The following NCOR2 variants were observed in gnomAD, a reference collection of about 807,000 sequenced individuals.
NCOR2 encodes the protein nuclear receptor corepressor 2, also known as CTG repeat protein 26.
A neutral mutation model predicts 262.9 loss-of-function variants in NCOR2; 81 were observed. That is an observed-to-expected ratio of 0.31 (90% confidence interval 0.26 to 0.37). The LOEUF is 0.37. Ranked by LOEUF, NCOR2 falls within the 10% of genes least tolerant of loss-of-function variation. NCOR2 has a pLI of 1.00. For missense variants in NCOR2, 3,385 were observed against 3,621.4 expected (o/e 0.93, Z 1.68); for synonymous variants, 1,659 against 1,559.3 (o/e 1.06, Z -1.51).
chr12:124,433,879 C>CAAACACACACACAA lies in NCOR2; in HGVS notation c.883-3093_883-3092insTTGTGTGTGTGTTT, dbSNP rs879336408. ...ACACACACACACACACACACACACACACACACACACACACACACACGCACA... is the reference window on the plus strand; with the variant it reads ...ACACACACACACACACACACACACACAAACACACACACAAACACACACACACACACACACGCACA... On this transcript the variant is annotated intron_variant, in intron 8 of 46. Transcript: ENST00000405201. Among the ~76,000 whole-genome samples the CAAACACACACACAA allele has an allele frequency of 6.8e-5, 7 of 103,342 alleles. No individual in the cohort carries two copies. The East Asian group carries it at 2.0e-3, about 29-fold the overall frequency. The allele number at this position is 103,342 out of a possible 152,430, so 67.8% of individuals were successfully genotyped here. A position where few individuals can be genotyped will look rare whatever the true frequency, so the allele number is the denominator to read the frequency against.
chr12:124,420,010 C>T (rs757109076), exon 13 of NCOR2: 1 of 1,613,924 alleles, frequency 6.2e-7, no homozygotes, highest in Non-Finnish European at 8.5e-7. Flanking sequence ...TTATAGTTCT[C>T]ATTCTTCTTA....
chr12:124,379,250 C>T (rs917608207), intron 17 of NCOR2, among the ~76,000 whole-genome samples: 5 of 152,078 alleles, frequency 3.3e-5, no homozygotes, highest in African/African-American at 9.7e-5. Flanking sequence ...CCACTTTCCC[C>T]GCACCGCACC....
rs2051604920 is a variant in NCOR2, at chr12:124,548,401, AGACCAGACAGGTGT to A, written c.-164-12804_-164-12791del. 6.6e-6 allele frequency among the ~76,000 whole-genome samples: 1 copy of A among 151,990 alleles called. No homozygotes were observed. The highest frequency in any genetic ancestry group is 1.5e-5 in the Non-Finnish European group (1 of 67,998). ...TGGGATCCCTCTGGCTGCAACTCAGAGACCAGACAGGTGTGACCAGAGTGGACTGGGGACCCCGA... is the reference window on the plus strand; with the variant it reads ...TGGGATCCCTCTGGCTGCAACTCAGAGACCAGAGTGGACTGGGGACCCCGA... On this transcript the variant is annotated intron_variant, in intron 1 of 32. Transcript: ENST00000458234. The surrounding 1 kb of genome is among the most constrained non-coding windows in gnomAD (Gnocchi z 5.1).
At chr12:124,493,970 C>A (rs966283858) in intron 1 of NCOR2, among the ~76,000 whole-genome samples, 4 of 152,152 alleles carry the variant, frequency 2.6e-5, no homozygotes, top group East Asian at 1.9e-4. Context: ...CAGGGCCGCC[C>A]AGGAGAATGC....
At position 124,503,232 on chromosome 12, in the gene NCOR2, A is replaced by C. The variant is rs1200201257; in HGVS notation, c.-117-7864T>G. 6.6e-6 allele frequency among the ~76,000 whole-genome samples: 1 copy of C among 152,262 alleles called. No individual in the cohort carries two copies. The highest frequency in any genetic ancestry group is 2.4e-5 in the African/African-American group (1 of 41,476). ...ACAAGCACAGCTACAGCAGTGACCA[A>C]GTCAGACAAAAGGCAAAAGGCCCTG... On this transcript the variant is annotated intron_variant, in intron 1 of 46. Coordinates refer to the NCOR2 transcript ENST00000404621. This position sits in a 1 kb window ranked among gnomAD's most constrained non-coding sequence, Gnocchi z 4.3.
In NCOR2 at chr12:124,481,099, G is replaced by C. The variant is rs1331878975; in HGVS notation, c.411+2497C>G. On this transcript the variant is annotated intron_variant, in intron 3 of 46. Transcript: ENST00000405201. This position sits in a 1 kb window ranked among gnomAD's most constrained non-coding sequence, Gnocchi z 4.6. ...GAGATGGCAGGAGCTGAGGAAGCAG[G>C]GGGTGAAGGGGAGTGAGCAGGACAG... Among the ~76,000 whole-genome samples, 1 of 151,828 alleles carries C rather than the reference G, an allele frequency of 6.6e-6. No homozygotes were observed. Among genetic ancestry groups the C allele is most frequent in the African/African-American group, 2.4e-5 (1 of 41,274 alleles).
chr12:124,439,516 G>C (rs2044694601), intron 7 of NCOR2, among the ~76,000 whole-genome samples: 1 of 150,160 alleles, frequency 6.7e-6, no homozygotes, highest in South Asian at 2.1e-4. Context: ...CCCAGAGAGA[G>C]AGAGACGGAG....
chr12:124,422,526 A>G, exon 12 of NCOR2: 4 of 1,613,966 alleles, frequency 2.5e-6, no homozygotes, highest in Non-Finnish European at 3.4e-6. Flanking sequence ...TGATGCGATC[A>G]GGCCAAAGTT....
rs577902913 is a variant in NCOR2 at position 124,465,112 on chromosome 12, G to A, written c.705+1061C>T. Among the ~76,000 whole-genome samples, 5 of 151,742 alleles carry A rather than the reference G, an allele frequency of 3.3e-5. No homozygotes were observed. The East Asian group carries it at 9.7e-4, about 29-fold the overall frequency. ...CTCCCCACCCCCACCTCAACTCTGAGCACTGATTGGCCAAGGAAGATATTA... is the reference window on the plus strand; with the variant it reads ...CTCCCCACCCCCACCTCAACTCTGAACACTGATTGGCCAAGGAAGATATTA... On this transcript the variant is annotated intron_variant, in intron 5 of 46. Coordinates refer to ENST00000405201, the Ensembl canonical transcript of NCOR2.
chr12:124,408,709 A>G (rs2042406834), intron 13 of NCOR2, among the ~76,000 whole-genome samples: 2 of 152,334 alleles, frequency 1.3e-5, no homozygotes, highest in South Asian at 4.1e-4. Flanking sequence ...CAACTGCACC[A>G]CTGCACTCTA....
At chr12:124,534,183 T>C (rs1363165811) in intron 1 of NCOR2, among the ~76,000 whole-genome samples, 1 of 152,106 alleles carries the variant, frequency 6.6e-6, no homozygotes, top group East Asian at 1.9e-4. Flanking sequence ...TTCTCTGGGC[T>C]TGGTGGCTCA....
At chr12:124,399,970 C>G (rs980099088) in intron 15 of NCOR2, among the ~76,000 whole-genome samples, 1 of 152,146 alleles carries the variant, frequency 6.6e-6, no homozygotes, top group Non-Finnish European at 1.5e-5. Context: ...AGATGCCTAC[C>G]AGGGTAGAGG....
intron 20 of NCOR2, 55 bp from the exon 23 acceptor site, chr12:124,363,854 T>C (rs2038806052): frequency 3.1e-6 from 4 of 1,279,280 alleles, no homozygotes; most frequent in Non-Finnish European, 4.0e-6. Flanking sequence ...TCTCCCAGGG[T>C]GGGGGGGCTG....
chr12:124,472,534 C>T (rs2046880759), intron 4 of NCOR2, among the ~76,000 whole-genome samples: 1 of 152,202 alleles, frequency 6.6e-6, no homozygotes, highest in Non-Finnish European at 1.5e-5. Flanking sequence ...AGAGAAGGGA[C>T]TGCCCACCCC....
intron 1 of NCOR2, among the ~76,000 whole-genome samples, chr12:124,544,610 C>G (rs926023843): frequency 4.6e-5 from 7 of 152,326 alleles, no homozygotes; most frequent in Non-Finnish European, 8.8e-5. Context: ...CTCAAACCCC[C>G]AGGACATCCT....
At chr12:124,335,905 T>C (rs2035840699) in intron 38 of NCOR2, 2 of 446,722 alleles carry the variant, frequency 4.5e-6, no homozygotes, top group Admixed American at 3.7e-5. Flanking sequence ...GGGACAGAGA[T>C]GGGTTCAGGT....
At chr12:124,372,468 C>T (rs1295706844) in exon 20 of NCOR2, 8 of 929,954 alleles carry the variant, frequency 8.6e-6, no homozygotes, top group Admixed American at 5.8e-5. Flanking sequence ...GGATGTCCTC[C>T]GGTGGTGGGG....
intron 15 of NCOR2, among the ~76,000 whole-genome samples, chr12:124,400,023 T>C (rs2041911976): frequency 1.3e-5 from 2 of 151,052 alleles, no homozygotes; most frequent in South Asian, 4.2e-4. Context: ...TAAGAAGGAG[T>C]GGTGGTTACT....
rs1221379893 is a variant in NCOR2, at chr12:124,332,158, C to G, written c.6904+161G>C. The G allele has an allele frequency of 3.5e-6, 3 of 859,264 alleles. No homozygotes were observed. The African/African-American group carries it at 5.1e-5, about 15-fold the overall frequency. The allele number at this position is 859,264 out of a possible 1,614,324, so 53.2% of individuals were successfully genotyped here. On this transcript the variant is annotated intron_variant, in intron 43 of 46. Coordinates refer to ENST00000405201, the Ensembl canonical transcript of NCOR2. ...AATCAAGAAACTGCCCTGGGGCTCCCCAAATGTGAGGCAAAGGGCCTGGGG... is the reference window on the plus strand; with the variant it reads ...AATCAAGAAACTGCCCTGGGGCTCCGCAAATGTGAGGCAAAGGGCCTGGGG...
Sources: allele counts gnomAD v4.1 joint callset (sites outside exome capture counted in the v4.1 genomes callset), GRCh38; gene constraint gnomAD v4.1.1; non-coding constraint Gnocchi (gnomAD v3.1); transcripts MANE v1.5; gene names NCBI Gene and HGNC (gene_info 2026-07-23, HGNC 2026-07-21).